Variants in GBA1 observed in about 807,000 individuals in gnomAD.
GBA1 encodes lysosomal acid glucosylceramidase.
At chr1:155,238,298 C>A in the GBA1 span, 1 of 1,580,118 alleles carries the variant, frequency 6.3e-7, no homozygotes, top group Non-Finnish European at 8.6e-7. Context: ...CTCGGTGAAT[C>A]AGGGGTATCT....
At chr1:155,238,714 A>G in the GBA1 span, 2 of 1,609,252 alleles carry the variant, frequency 1.2e-6, no homozygotes, top group Admixed American at 3.3e-5. Flanking sequence ...GACTCTGCTT[A>G]TCACTTGCCA....
At chr1:155,240,663 A>G in the GBA1 span, 64 of 1,613,636 alleles carry the variant, frequency 4.0e-5, no homozygotes, top group Non-Finnish European at 5.1e-5. Flanking sequence ...AGTAGAAGCA[A>G]TCCTGTGAGG....
the GBA1 span, chr1:155,238,567 C>T: frequency 6.2e-7 from 1 of 1,613,492 alleles, no homozygotes; most frequent in South Asian, 1.1e-5. Flanking sequence ...AACTGGAAAT[C>T]ATCAGGGGTG....
chr1:155,237,676 C>T, the GBA1 span: 59 of 1,569,030 alleles, frequency 3.8e-5, no homozygotes, highest in East Asian at 3.8e-4. Context: ...TTTGGGAAGC[C>T]GAGGCAGGTG....
the GBA1 span, chr1:155,236,148 G>A: frequency 9.1e-7 from 1 of 1,097,390 alleles, no homozygotes; most frequent in Admixed American, 2.0e-5. Context: ...CAGGCTAGCT[G>A]GGGAAAGCTG....
chr1:155,241,698 C>G, the GBA1 span, among the ~76,000 whole-genome samples: 2 of 152,088 alleles, frequency 1.3e-5, no homozygotes, highest in Admixed American at 6.6e-5. Flanking sequence ...GGAGAGCTCT[C>G]TGAGATGAGG....
chr1:155,239,903 G>T, the GBA1 span: 1 of 1,614,100 alleles, frequency 6.2e-7, no homozygotes, highest in East Asian at 2.2e-5. Flanking sequence ...CGTGTGATTA[G>T]CCTGGATGGG....
the GBA1 span, chr1:155,236,113 G>A: frequency 5.9e-6 from 5 of 853,286 alleles, no homozygotes; most frequent in South Asian, 4.4e-5. Flanking sequence ...AGGGAATCAT[G>A]GTTCCCCAGA....
chr1:155,235,820 A>T, the GBA1 span: 1 of 1,614,234 alleles, frequency 6.2e-7, no homozygotes, highest in Non-Finnish European at 8.5e-7. Flanking sequence ...CAGTCGGTCC[A>T]GCCGACCACA....
chr1:155,236,266 C>T, the GBA1 span: 15 of 1,614,118 alleles, frequency 9.3e-6, no homozygotes, highest in South Asian at 1.6e-4. Context: ...TGTGGCTGTA[C>T]TGCATCCCTC....
chr1:155,238,194 C>T, the GBA1 span: 13 of 1,614,154 alleles, frequency 8.1e-6, no homozygotes, highest in Non-Finnish European at 1.1e-5. Context: ...CTTGAGTGAC[C>T]CCTTCCCATT....
the GBA1 span, chr1:155,237,596 A>T: frequency 0.012 from 18,905 of 1,612,996 alleles, 149 homozygotes; most frequent in Non-Finnish European, 0.015. Context: ...GAGAAAGGTC[A>T]TGAATGATCC....
At chr1:155,241,315 T>C in the GBA1 span, 7,617 of 635,964 alleles carry the variant, frequency 0.012, 53 homozygotes, top group Non-Finnish European at 0.014. Flanking sequence ...AGTGAGGCAA[T>C]CACAGCCATA....
the GBA1 span, chr1:155,236,136 G>T: frequency 2.0e-6 from 2 of 994,860 alleles, no homozygotes; most frequent in East Asian, 2.6e-5. Context: ...TGCTCAAAAG[G>T]GCAGGCTAGC....
chr1:155,239,287 C>T, the GBA1 span, among the ~76,000 whole-genome samples: 5 of 151,066 alleles, frequency 3.3e-5, no homozygotes, highest in African/African-American at 4.9e-5. Flanking sequence ...TCCAGCACTT[C>T]GGGAGGCCAA....
At chr1:155,237,966 G>A in the GBA1 span, 3 of 754,158 alleles carry the variant, frequency 4.0e-6, no homozygotes. Flanking sequence ...CAGGAAGCCT[G>A]ATGGAGTGGG....
chr1:155,238,260 G>C, the GBA1 span: 18 of 1,609,276 alleles, frequency 1.1e-5, no homozygotes, highest in Non-Finnish European at 1.5e-5. Context: ...GGCAAGGAGT[G>C]AAACGGGACG....
the GBA1 span, chr1:155,235,542 CA>C: frequency 8.6e-7 from 1 of 1,156,960 alleles, no homozygotes; most frequent in Non-Finnish European, 1.3e-6. Context: ...CTCCATGGTG[CA>C]AAAGGGGATG....
chr1:155,239,962 G>C, the GBA1 span: 2 of 1,614,102 alleles, frequency 1.2e-6, no homozygotes, highest in East Asian at 2.2e-5. Context: ...TCTCATAGCG[G>C]CTGAAGGTAC....
Sources: allele counts gnomAD v4.1 joint callset (sites outside exome capture counted in the v4.1 genomes callset), GRCh38; gene constraint gnomAD v4.1.1; transcripts MANE v1.5; gene names NCBI Gene and HGNC (gene_info 2026-07-23, HGNC 2026-07-21).